MEGF6: variants seen among roughly 807,000 people sequenced by gnomAD.
The protein encoded by MEGF6 is multiple epidermal growth factor-like domains protein 6.
In MEGF6, 184 loss-of-function variants were observed where a neutral mutation model predicts 207.1. The ratio of observed to expected loss-of-function variants is 0.89; its 90% confidence interval spans 0.79 to 1.00. The LOEUF is 1.00. MEGF6 is among the 50% of genes least tolerant of loss of function. The probability of loss-of-function intolerance (pLI) is 0.00; values close to 1 mark genes in which losing one functional copy is unlikely to be tolerated. For missense variants in MEGF6, 2,282 were observed against 2,202.9 expected (o/e 1.04, Z -0.72); for synonymous variants, 1,038 against 910.0 (o/e 1.14, Z -2.53).
chr1:3,589,367 G>GC (rs1163320501), intron 3 of MEGF6, among the ~76,000 whole-genome samples: 13 of 151,852 alleles, frequency 8.6e-5, no homozygotes, highest in African/African-American at 2.9e-4. Flanking sequence ...TCATACCTGC[G>GC]CCCCCCACCC....
At chr1:3,610,827 C>T (rs1011454965) in intron 1 of MEGF6, among the ~76,000 whole-genome samples, 1 of 151,122 alleles carries the variant, frequency 6.6e-6, no homozygotes, top group Admixed American at 6.6e-5. Context: ...AGACCCTGCC[C>T]GGAAAGGGGC....
chr1:3,509,173 A>T lies in MEGF6; in HGVS notation c.1430T>A (p.Leu477His), dbSNP rs753538490. The T allele has an allele frequency of 6.3e-7, 1 of 1,581,802 alleles. No homozygotes were observed. The highest frequency in any genetic ancestry group is 1.1e-5 in the South Asian group (1 of 86,984). ...GAAGAGTTGCGGCAGCTCGTCCTGG[A>T]GCACGGCAATGTGGGGCAGGGGCCG... ...FVRPLPHIAV[L>H]QDELPQLFQD... The change falls in exon 12 of 37, where the codon CTC becomes CAC. Residue 477 changes from leucine to histidine, a missense_variant. Transcript: ENST00000356575.
chr1:3,514,773 T>G, intron 6 of MEGF6, 101 bp from the exon 7 acceptor site: 1 of 1,315,002 alleles, frequency 7.6e-7, no homozygotes, highest in Non-Finnish European at 1.0e-6. Context: ...CCCAGTGCTC[T>G]CCCCACTCTG....
At chr1:3,596,120 G>C (rs1232506732) in intron 2 of MEGF6, among the ~76,000 whole-genome samples, 1 of 152,146 alleles carries the variant, frequency 6.6e-6, no homozygotes, top group Non-Finnish European at 1.5e-5. Flanking sequence ...AGGTCAGAGA[G>C]GAGGCACCAT....
In MEGF6 at chr1:3,495,040, G is replaced by A. The variant is rs988060919; in HGVS notation, c.3872-299C>T. ...GGAAGGGGTTCACAGAAGGCTTCAC[G>A]GAGGCAGCGGCCCACTGTGAACCAG... On this transcript the variant is annotated intron_variant, in intron 30 of 36. Transcript: ENST00000356575. Among the ~76,000 whole-genome samples, 7 of 152,206 alleles carry A rather than the reference G, an allele frequency of 4.6e-5. No homozygotes were observed. The South Asian group carries it at 1.0e-3, about 23-fold the overall frequency.
chr1:3,573,856 G>A lies in MEGF6; in HGVS notation c.481+5969C>T, dbSNP rs921051734. Among the ~76,000 whole-genome samples, 1 of 152,170 alleles carries A rather than the reference G, an allele frequency of 6.6e-6. No homozygotes were observed. Among genetic ancestry groups the A allele is most frequent in the African/African-American group, 2.4e-5 (1 of 41,438 alleles). ...CAGTGGGCAGCATTGAAAGGCAGTGGGGAGGGCCGCTTCCTCTCCATTAAT... is the reference window on the plus strand; with the variant it reads ...CAGTGGGCAGCATTGAAAGGCAGTGAGGAGGGCCGCTTCCTCTCCATTAAT... On this transcript the variant is annotated intron_variant, in intron 4 of 36. Coordinates refer to ENST00000356575, the MANE Select transcript of MEGF6 (RefSeq NM_001409.4). The surrounding 1 kb of genome is among the most constrained non-coding windows in gnomAD (Gnocchi z 5.1).
chr1:3,579,914 C>T lies in MEGF6; in HGVS notation c.392G>A (p.Ser131Asn). Residue 131 changes from serine to asparagine, a missense_variant, in exon 4 of 37, where the codon AGC (serine) becomes AAC (asparagine). Transcript: ENST00000356575. ...ACAACGGCCACCGTGAAAACAGAGGCTGGCGCTGCATTCAGCTGCGGAGGG... is the reference window on the plus strand; with the variant it reads ...ACAACGGCCACCGTGAAAACAGAGGTTGGCGCTGCATTCAGCTGCGGAGGG... The part of the protein sequence containing the change: ...EGCLSAECSA[S>N]LCFHGGRCVP... The T allele has an allele frequency of 6.5e-7, 1 of 1,536,138 alleles. No homozygotes were observed. Among genetic ancestry groups the T allele is most frequent in the Middle Eastern group, 1.7e-4 (1 of 5,718 alleles).
At chr1:3,501,395 C>G (rs377637753) in intron 18 of MEGF6, 87 bp from the exon 19 acceptor site, 17 of 1,487,546 alleles carry the variant, frequency 1.1e-5, no homozygotes, top group Non-Finnish European at 1.1e-5. Flanking sequence ...CCTGGAGCCA[C>G]GGCCGAGGAG....
rs1246656814 is a variant in MEGF6 at position 3,509,007 on chromosome 1, C to T, written c.1528+68G>A. The T allele has an allele frequency of 4.9e-6, 7 of 1,439,892 alleles. No individual in the cohort carries two copies. In the Admixed American group the frequency reaches 1.6e-4, roughly 34 times the overall value. The allele number at this position is 1,439,892 out of a possible 1,614,324, so 89.2% of individuals were successfully genotyped here. A position where few individuals can be genotyped will look rare whatever the true frequency, so the allele number is the denominator to read the frequency against. ...CCCCAGCCTCTGATTGGATGGCAGC[C>T]TAGCCCGAGGGGTCGCTGGCTGCTG... On this transcript the variant is annotated intron_variant, in intron 12 of 36. Transcript: ENST00000356575.
chr1:3,622,460 G>C, the MEGF6 span, among the ~76,000 whole-genome samples: 1 of 152,164 alleles, frequency 6.6e-6, no homozygotes, highest in Non-Finnish European at 1.5e-5. Context: ...CCCAGCTTCA[G>C]GTAAGTTCTT....
At chr1:3,601,560 T>C (rs1644159746) in intron 2 of MEGF6, among the ~76,000 whole-genome samples, 1 of 152,180 alleles carries the variant, frequency 6.6e-6, no homozygotes, top group Admixed American at 6.5e-5. Flanking sequence ...GGTCGTCCTG[T>C]GTGCTGAGAT....
chr1:3,571,440 C>T (rs1314837294), intron 4 of MEGF6, among the ~76,000 whole-genome samples: 2 of 151,904 alleles, frequency 1.3e-5, no homozygotes, highest in Non-Finnish European at 2.9e-5. Flanking sequence ...GTAAGGACAT[C>T]CCCCCCAGAC....
rs1244082623 is a variant in MEGF6, at chr1:3,494,485, GC to G, written c.4014del (p.Arg1339AlafsTer179). On this transcript the variant is annotated frameshift_variant, in exon 32 of 37. Coordinates refer to ENST00000356575, the MANE Select transcript of MEGF6 (RefSeq NM_001409.4). LOFTEE classifies it high-confidence loss of function. ...GRHCELACPP[G>X]RYGAACHLEC... is the part of the protein sequence containing the mutation. ...TCCAGATGGCAGGCGGCTCCGTAGC[GC>G]CCAGGGGGACAGGCTGGGGACAGGG... 6.3e-7 allele frequency: 1 copy of G among 1,588,220 alleles called. No homozygotes were observed. The highest frequency in any genetic ancestry group is 8.5e-7 in the Non-Finnish European group (1 of 1,171,354).
chr1:3,544,342 AGGGCG>A (rs534251944), intron 4 of MEGF6, among the ~76,000 whole-genome samples: 119 of 151,474 alleles, frequency 7.9e-4, no homozygotes, highest in African/African-American at 2.8e-3. Context: ...CTGGGGCTGC[AGGGCG>A]GCACCTGTCC....
intron 4 of MEGF6, among the ~76,000 whole-genome samples, chr1:3,579,019 G>T (rs1190149423): frequency 6.6e-6 from 1 of 152,260 alleles, no homozygotes; most frequent in Non-Finnish European, 1.5e-5. Context: ...CTCTCGCTCT[G>T]CCCTGGCATC....
the MEGF6 span, among the ~76,000 whole-genome samples, chr1:3,622,698 C>T: frequency 6.6e-6 from 1 of 152,148 alleles, no homozygotes; most frequent in African/African-American, 2.4e-5. Context: ...ATGCGTCAAC[C>T]CTCAGGGCTG....
chr1:3,493,783 T>C lies in MEGF6; in HGVS notation c.4375A>G (p.Thr1459Ala). The change falls in exon 34 of 37, where the codon ACC (threonine) becomes GCC (alanine). Residue 1459 changes from threonine (T) to alanine (A), a missense_variant. Transcript: ENST00000356575. ...CLCPPGRSGA[T>A]CNLDCRRGQF... ...ACCCCAGACTCACCCAGGTTACAGG[T>C]GGCTCCTGAGCGCCCTGGTGGGCAA... 1 of 1,612,086 alleles carries C rather than the reference T, an allele frequency of 6.2e-7. No individual in the cohort carries two copies. The highest frequency in any genetic ancestry group is 8.5e-7 in the Non-Finnish European group (1 of 1,179,566).
Position 3,514,755 on chromosome 1 carries a change from A to AC in MEGF6, c.731-84dup, listed in dbSNP as rs1641479636. On this transcript the variant is annotated intron_variant, in intron 6 of 36. Coordinates refer to ENST00000356575, the MANE Select transcript of MEGF6 (RefSeq NM_001409.4). ...CGCCTGCCCCCAGGCTTCTTGTGAG[A>AC]CCCCTCACCCAGTGCTCTCCCCACT... The AC allele has an allele frequency of 3.1e-5, 43 of 1,403,004 alleles. No individual in the cohort carries two copies. In the South Asian group the frequency reaches 4.7e-4, roughly 15 times the overall value. The allele number at this position is 1,403,004 out of a possible 1,614,324, so 86.9% of individuals were successfully genotyped here.
intron 34 of MEGF6, 109 bp downstream of exon 34, chr1:3,493,662 G>A (rs562005003): frequency 3.4e-5 from 49 of 1,431,022 alleles, no homozygotes; most frequent in Non-Finnish European, 4.5e-5. Flanking sequence ...GGCAACAAGA[G>A]GGGTTGGTGG....
Sources: gnomAD v4.1 joint callset for allele counts (sites outside exome capture counted in the v4.1 genomes callset) on GRCh38, gnomAD v4.1.1 for gene constraint, Gnocchi (gnomAD v3.1) non-coding constraint, MANE v1.5 for transcripts, NCBI Gene and HGNC (gene_info 2026-07-23, HGNC 2026-07-21) for gene names.